The following CTDSPL variants were observed in gnomAD, a reference collection of about 807,000 sequenced individuals.
CTDSPL encodes the protein CTD small phosphatase-like protein.
CTDSPL carries 8 observed loss-of-function variants against 30.5 expected under a neutral mutation model. The observed-to-expected ratio is 0.26, with a 90% CI of 0.15 to 0.47. The LOEUF is 0.47. Ranked by LOEUF, CTDSPL falls within the 20% of genes least tolerant of loss-of-function variation. CTDSPL has a pLI of 0.99. For synonymous variants in CTDSPL, 110 were observed against 137.9 expected, an observed-to-expected ratio of 0.80 and a Z score of 1.42; for missense variants, 248 against 366.1, an observed-to-expected ratio of 0.68 and a Z score of 2.63.
intron 5 of CTDSPL, among the ~76,000 whole-genome samples, chr3:37,970,954 C>T (rs1699359966): frequency 1.3e-5 from 2 of 152,322 alleles, no homozygotes; most frequent in East Asian, 1.9e-4. Context: ...CAGAAGGTGG[C>T]AGCCGGAGCA....
chr3:37,913,282 T>C (rs1427850679), intron 1 of CTDSPL, among the ~76,000 whole-genome samples: 2 of 152,162 alleles, frequency 1.3e-5, no homozygotes, highest in East Asian at 3.9e-4. Context: ...ATTGTGCCAC[T>C]GCACTCCAGC....
chr3:37,893,081 C>T lies in CTDSPL; in HGVS notation c.79+30803C>T, dbSNP rs151327359. ...AACATAGACTGTTCCATTGTGCAGG[C>T]ATGTGCCACCAACCGTGGAGTGGAC... On this transcript the variant is annotated intron_variant, in intron 1 of 7. Transcript: ENST00000273179. Among the ~76,000 whole-genome samples, 345 of 152,328 alleles carry T rather than the reference C, an allele frequency of 2.3e-3. 4 individuals carry two copies. The highest frequency in any genetic ancestry group is 7.9e-3 in the African/African-American group (328 of 41,576).
At chr3:37,959,106 G>A (rs775199784) in intron 3 of CTDSPL, among the ~76,000 whole-genome samples, 1 of 152,174 alleles carries the variant, frequency 6.6e-6, no homozygotes, top group Non-Finnish European at 1.5e-5. Context: ...CTCCAAACCA[G>A]ATCCCACAAC....
chr3:37,927,657 T>C (rs1698797169), intron 1 of CTDSPL, among the ~76,000 whole-genome samples: 1 of 136,276 alleles, frequency 7.3e-6, no homozygotes, highest in African/African-American at 3.1e-5. Flanking sequence ...TGTGTGTGTG[T>C]GTGTGTGTGT....
intron 2 of CTDSPL, among the ~76,000 whole-genome samples, chr3:37,952,754 C>G (rs893277550): frequency 6.6e-6 from 1 of 152,316 alleles, no homozygotes; most frequent in African/African-American, 2.4e-5. Context: ...CAGCATATTC[C>G]TGCTCTCAAC....
intron 6 of CTDSPL, among the ~76,000 whole-genome samples, chr3:37,972,806 G>T (rs1699382897): frequency 6.6e-6 from 1 of 152,192 alleles, no homozygotes; most frequent in Non-Finnish European, 1.5e-5. Context: ...CCATTTGTTG[G>T]TAGCACCACA....
intron 5 of CTDSPL, 73 bp from the exon 6 acceptor site, chr3:37,971,334 G>A (rs1376248984): frequency 4.9e-5 from 66 of 1,335,866 alleles, no homozygotes; most frequent in Non-Finnish European, 7.4e-6. Flanking sequence ...TCTTCCTACA[G>A]TGGGCATTTG....
intron 2 of CTDSPL, among the ~76,000 whole-genome samples, chr3:37,951,105 T>C (rs986370567): frequency 1.3e-5 from 2 of 152,284 alleles, no homozygotes; most frequent in Middle Eastern, 3.4e-3. Context: ...CAATGGCTCA[T>C]TCCCGTAATC....
intron 1 of CTDSPL, among the ~76,000 whole-genome samples, chr3:37,882,441 CAAA>C (rs35235848): frequency 2.5e-5 from 3 of 120,918 alleles, no homozygotes; most frequent in Admixed American, 8.7e-5. Flanking sequence ...GACTCTAACT[CAAA>C]AAAAAAAAAA....
chr3:37,904,847 C>A (rs753655893), intron 1 of CTDSPL, among the ~76,000 whole-genome samples: 4 of 152,186 alleles, frequency 2.6e-5, no homozygotes, highest in Non-Finnish European at 4.4e-5. Flanking sequence ...ATTACAGCAG[C>A]CTCCTAACTG....
intron 1 of CTDSPL, among the ~76,000 whole-genome samples, chr3:37,867,203 A>G (rs1055463029): frequency 1.3e-5 from 2 of 152,214 alleles, no homozygotes; most frequent in East Asian, 3.9e-4. Context: ...TCTAAATGGA[A>G]TCAAACAGTA....
chr3:37,975,958 T>A lies in CTDSPL; in HGVS notation c.705+64T>A. ...TGAGCCCTCTGTCTTGCCAGGCAGG[T>A]ACCACTTTTGAGCACCTACACAAGA... is the stretch of plus-strand genomic sequence containing the variant. On this transcript the variant is annotated intron_variant, in intron 7 of 7. Transcript: ENST00000273179. This position sits in a 1 kb window ranked among gnomAD's most constrained non-coding sequence, Gnocchi z 4.9. 1 of 1,547,018 alleles carries A rather than the reference T, an allele frequency of 6.5e-7. No individual in the cohort carries two copies. The highest frequency in any genetic ancestry group is 1.2e-5 in the South Asian group (1 of 84,132).
intron 1 of CTDSPL, among the ~76,000 whole-genome samples, chr3:37,872,572 CTTTT>C (rs1294021036): frequency 5.0e-3 from 271 of 54,224 alleles, no homozygotes; most frequent in African/African-American, 0.017. Flanking sequence ...ATTCTTTTAT[CTTTT>C]TTTTTTTTTT....
chr3:37,925,149 A>G (rs1344117371), intron 1 of CTDSPL, among the ~76,000 whole-genome samples: 1 of 151,582 alleles, frequency 6.6e-6, no homozygotes, highest in Non-Finnish European at 1.5e-5. Context: ...AGTTGCCCCC[A>G]TCCTCTCTCC....
rs561134160 is a variant in CTDSPL at position 37,962,834 on chromosome 3, A to G, written c.268-1737A>G. 7.9e-5 allele frequency among the ~76,000 whole-genome samples: 12 copies of G among 152,352 alleles called. No individual in the cohort carries two copies. The South Asian group carries it at 1.7e-3, about 21-fold the overall frequency. ...AATCTTTACAATGAGAATGTGTTTT[A>G]TATTAAATAGTTGTGTAATAAAAAT... On this transcript the variant is annotated intron_variant, in intron 3 of 7. Transcript: ENST00000273179.
intron 1 of CTDSPL, among the ~76,000 whole-genome samples, chr3:37,865,126 A>T (rs970518313): frequency 2.6e-5 from 4 of 152,238 alleles, no homozygotes; most frequent in African/African-American, 7.2e-5. Context: ...GATGACTGTC[A>T]CTGTCAGCCT....
chr3:37,866,742 C>T (rs1421890124), intron 1 of CTDSPL, among the ~76,000 whole-genome samples: 1 of 152,044 alleles, frequency 6.6e-6, no homozygotes, highest in Non-Finnish European at 1.5e-5. Context: ...AGGTGTGTTT[C>T]CTTTAAATGT....
At chr3:37,870,561 G>C (rs1229244591) in intron 1 of CTDSPL, among the ~76,000 whole-genome samples, 1 of 151,994 alleles carries the variant, frequency 6.6e-6, no homozygotes, top group Non-Finnish European at 1.5e-5. Flanking sequence ...CAACTTTGTT[G>C]ATTTCTGTTC....
chr3:37,890,198 A>G (rs1698309256), intron 1 of CTDSPL, among the ~76,000 whole-genome samples: 1 of 152,222 alleles, frequency 6.6e-6, no homozygotes, highest in Non-Finnish European at 1.5e-5. Context: ...GTATGCGCGC[A>G]CACCCACACA....
Sources: allele counts gnomAD v4.1 joint callset (sites outside exome capture counted in the v4.1 genomes callset), GRCh38; gene constraint gnomAD v4.1.1; non-coding constraint Gnocchi (gnomAD v3.1); transcripts MANE v1.5; gene names NCBI Gene and HGNC (gene_info 2026-07-23, HGNC 2026-07-21).